Variants in VAV3 observed in about 807,000 individuals in gnomAD.
VAV3 encodes the protein vav guanine nucleotide exchange factor 3, also known as guanine nucleotide exchange factor VAV3.
Under a neutral mutation model 131.2 loss-of-function variants are expected in VAV3, and 94 were observed. The observed-to-expected ratio is 0.72, with a 90% CI of 0.61 to 0.85. VAV3 has a LOEUF of 0.85. Ranked by LOEUF, VAV3 falls within the 40% of genes least tolerant of loss-of-function variation. The pLI is 0.00. For missense variants in VAV3, 939 were observed against 1,002.7 expected, an observed-to-expected ratio of 0.94 and a Z score of 0.86; for synonymous variants, 349 against 342.0, an observed-to-expected ratio of 1.02 and a Z score of -0.22.
chr1:107,693,325 A>G (rs144439023), intron 17 of VAV3, among the ~76,000 whole-genome samples: 3 of 152,278 alleles, frequency 2.0e-5, no homozygotes, highest in African/African-American at 7.2e-5. Flanking sequence ...CAACATTCAA[A>G]TTTGTTTCCA....
intron 2 of VAV3, among the ~76,000 whole-genome samples, chr1:107,795,355 T>C (rs1666485310): frequency 6.6e-6 from 1 of 152,200 alleles, no homozygotes. Context: ...ATATAAAAAC[T>C]CTTACAGGAC....
At chr1:107,913,315 G>T (rs1363740166) in intron 1 of VAV3, among the ~76,000 whole-genome samples, 1 of 152,200 alleles carries the variant, frequency 6.6e-6, no homozygotes, top group Admixed American at 6.5e-5. Context: ...TTTGGAAGAT[G>T]TAGTCAATTT....
At chr1:107,576,418 G>A (rs1649655770) in intron 25 of VAV3, 1 of 1,523,102 alleles carries the variant, frequency 6.6e-7, no homozygotes, top group Non-Finnish European at 8.8e-7. Context: ...GGAAGAAGGG[G>A]GAACAAAGCT....
intron 4 of VAV3, among the ~76,000 whole-genome samples, chr1:107,775,927 C>T (rs1019687148): frequency 6.6e-6 from 1 of 152,166 alleles, no homozygotes; most frequent in African/African-American, 2.4e-5. Flanking sequence ...GAAGTTGGGG[C>T]TGTGACTAAC....
chr1:107,800,109 G>A (rs978350490), intron 2 of VAV3, among the ~76,000 whole-genome samples: 7 of 152,104 alleles, frequency 4.6e-5, no homozygotes, highest in East Asian at 1.9e-4. Flanking sequence ...CATTTAGGTC[G>A]ATTCCATATT....
intron 10 of VAV3, 21 bp from the exon 11 acceptor site, chr1:107,757,350 AG>A (rs779611645): frequency 1.3e-6 from 2 of 1,585,800 alleles, no homozygotes. Flanking sequence ...GATATGGTTT[AG>A]TACTACTTTC....
At chr1:107,691,873 G>C (rs1206666113) in intron 17 of VAV3, among the ~76,000 whole-genome samples, 1 of 152,118 alleles carries the variant, frequency 6.6e-6, no homozygotes, top group Non-Finnish European at 1.5e-5. Context: ...ATTGGTGCAA[G>C]AGAAACAATT....
chr1:107,952,487 C>CATATATATATATATATATATATAT (rs1173992663), intron 1 of VAV3, among the ~76,000 whole-genome samples: 6 of 133,468 alleles, frequency 4.5e-5, no homozygotes, highest in African/African-American at 1.5e-4. Flanking sequence ...TATATATATA[C>CATATATATATATATATATATATAT]ACACATAAAT....
At chr1:107,775,577 C>CAAAAAAAAAA (rs34775096) in intron 4 of VAV3, among the ~76,000 whole-genome samples, 15 of 56,472 alleles carry the variant, frequency 2.7e-4, no homozygotes, top group East Asian at 2.1e-3. Context: ...GACTCAGTCA[C>CAAAAAAAAAA]AAAAAAAAAA....
intron 22 of VAV3, among the ~76,000 whole-genome samples, chr1:107,608,291 T>C (rs1018308530): frequency 6.6e-6 from 1 of 152,162 alleles, no homozygotes; most frequent in African/African-American, 2.4e-5. Context: ...ATCCATGCAG[T>C]TTGAGGTATT....
At chr1:107,895,760 CAT>C (rs1473126205) in intron 1 of VAV3, among the ~76,000 whole-genome samples, 1 of 152,214 alleles carries the variant, frequency 6.6e-6, no homozygotes, top group Non-Finnish European at 1.5e-5. Flanking sequence ...CCACCCCAAT[CAT>C]GTGTCCTTGC....
chr1:107,648,805 G>T (rs1182392776), intron 19 of VAV3, among the ~76,000 whole-genome samples: 1 of 152,004 alleles, frequency 6.6e-6, no homozygotes, highest in African/African-American at 2.4e-5. Context: ...CCCTACTTCA[G>T]GTTGGTCATT....
Position 107,603,016 on chromosome 1 carries a change from C to G in VAV3, c.2132+31G>C, listed in dbSNP as rs368818772. 9 of 1,555,342 alleles carry G rather than the reference C, an allele frequency of 5.8e-6. No individual in the cohort carries two copies. In the African/African-American group the frequency reaches 1.1e-4, roughly 19 times the overall value. On this transcript the variant is annotated intron_variant, in intron 23 of 26. Coordinates refer to ENST00000370056, the MANE Select transcript of VAV3 (RefSeq NM_006113.5). ...CTATGCAATTATGAAAACAGGAAAT[C>G]TATTTCTGTAAAAGTACTTGTCCTA...
intron 15 of VAV3, among the ~76,000 whole-genome samples, chr1:107,733,257 T>C (rs1187173790): frequency 6.6e-6 from 1 of 151,996 alleles, no homozygotes; most frequent in Non-Finnish European, 1.5e-5. Context: ...AGACCAAAGG[T>C]AGATAAAAAC....
At chr1:107,841,674 T>A (rs1234184973) in intron 2 of VAV3, among the ~76,000 whole-genome samples, 1 of 152,190 alleles carries the variant, frequency 6.6e-6, no homozygotes, top group Non-Finnish European at 1.5e-5. Flanking sequence ...GATTCAAGTA[T>A]TATTTTTCAT....
chr1:107,732,155 G>C (rs1662283507), intron 15 of VAV3, among the ~76,000 whole-genome samples: 1 of 152,146 alleles, frequency 6.6e-6, no homozygotes. Context: ...ACAATGTGTA[G>C]TATAATCTGT....
intron 21 of VAV3, among the ~76,000 whole-genome samples, chr1:107,612,993 C>G (rs1161559957): frequency 2.0e-5 from 3 of 152,054 alleles, no homozygotes. Context: ...CTGGGCAGTG[C>G]CTTCAGATAG....
At chr1:107,768,716 T>C (rs1237045551) in intron 6 of VAV3, among the ~76,000 whole-genome samples, 1 of 152,170 alleles carries the variant, frequency 6.6e-6, no homozygotes, top group Non-Finnish European at 1.5e-5. Flanking sequence ...CTAATATTAA[T>C]ACATTTAAAG....
intron 15 of VAV3, among the ~76,000 whole-genome samples, chr1:107,730,491 T>C (rs1662167966): frequency 1.3e-5 from 2 of 152,180 alleles, no homozygotes; most frequent in African/African-American, 2.4e-5. Context: ...AATCAAACCG[T>C]TGCATTAATC....
Sources: gnomAD v4.1 joint callset for allele counts (sites outside exome capture counted in the v4.1 genomes callset) on GRCh38, gnomAD v4.1.1 for gene constraint, MANE v1.5 for transcripts, NCBI Gene and HGNC (gene_info 2026-07-23, HGNC 2026-07-21) for gene names.